The following NXPE2 variants were observed in gnomAD, a reference collection of about 807,000 sequenced individuals.
NXPE2 encodes neurexophilin and PC-esterase domain family member 2.
Under a neutral mutation model 34.4 loss-of-function variants are expected in NXPE2, and 34 were observed. That is an observed-to-expected ratio of 0.99 (90% confidence interval 0.75 to 1.31). NXPE2 has a LOEUF of 1.31. Ranked by LOEUF, NXPE2 falls within the 40% of genes most tolerant of loss-of-function variation. The probability of loss-of-function intolerance (pLI) is 0.00; values close to 1 mark genes in which losing one functional copy is unlikely to be tolerated. For missense variants in NXPE2, 649 were observed against 672.5 expected (o/e 0.97, Z 0.39); for synonymous variants, 235 against 231.3 (o/e 1.02, Z -0.15).
the NXPE2 span, chr11:114,530,072 C>T: frequency 8.2e-7 from 1 of 1,216,964 alleles, no homozygotes; most frequent in Non-Finnish European, 1.1e-6. Context: ...ACCTTGAGTA[C>T]AGGAGGCCTC....
chr11:114,804,200 G>C, the NXPE2 span, among the ~76,000 whole-genome samples: 1 of 131,376 alleles, frequency 7.6e-6, no homozygotes, highest in African/African-American at 2.6e-5. Flanking sequence ...TCAAGTATCA[G>C]GGAAGATTTC....
At chr11:114,617,381 C>T in the NXPE2 span, among the ~76,000 whole-genome samples, 33 of 151,062 alleles carry the variant, frequency 2.2e-4, no homozygotes, top group African/African-American at 2.9e-4. Flanking sequence ...CACTGTTACC[C>T]GGTAGATAAT....
At chr11:114,617,602 A>G in the NXPE2 span, among the ~76,000 whole-genome samples, 1 of 152,022 alleles carries the variant, frequency 6.6e-6, no homozygotes, top group Non-Finnish European at 1.5e-5. Context: ...GGTGCATAAT[A>G]AGTGTTGCCT....
chr11:114,774,835 C>T, the NXPE2 span, among the ~76,000 whole-genome samples: 1 of 152,200 alleles, frequency 6.6e-6, no homozygotes, highest in Admixed American at 6.5e-5. Flanking sequence ...AAAGGGGGCG[C>T]TCTAACATCA....
At chr11:114,512,053 G>A in the NXPE2 span, among the ~76,000 whole-genome samples, 2 of 152,170 alleles carry the variant, frequency 1.3e-5, no homozygotes, top group African/African-American at 4.8e-5. Context: ...AATTCAAAGT[G>A]GTTCCATCTG....
At chr11:114,809,908 G>A in the NXPE2 span, among the ~76,000 whole-genome samples, 5 of 142,482 alleles carry the variant, frequency 3.5e-5, no homozygotes, top group Admixed American at 1.4e-4. Flanking sequence ...AAAGAACAAA[G>A]CTGGAGGCAT....
At chr11:114,658,059 A>T in the NXPE2 span, among the ~76,000 whole-genome samples, 24 of 152,316 alleles carry the variant, frequency 1.6e-4, no homozygotes, top group South Asian at 4.6e-3. Context: ...GTTCCCTTTA[A>T]AATAAACCCT....
At chr11:114,508,925 A>G in the NXPE2 span, among the ~76,000 whole-genome samples, 1 of 152,116 alleles carries the variant, frequency 6.6e-6, no homozygotes, top group South Asian at 2.1e-4. Context: ...ATAGCACAGC[A>G]AAAAACAAAA....
chr11:114,631,779 T>C, the NXPE2 span, among the ~76,000 whole-genome samples: 6 of 151,828 alleles, frequency 4.0e-5, no homozygotes, highest in African/African-American at 1.5e-4. Flanking sequence ...TATTGCCTCA[T>C]GAGTAATCAC....
the NXPE2 span, among the ~76,000 whole-genome samples, chr11:114,469,817 G>A: frequency 3.3e-5 from 5 of 152,006 alleles, no homozygotes; most frequent in South Asian, 2.1e-4. Context: ...AAGTTTCCTC[G>A]TGCCTGTTTA....
the NXPE2 span, among the ~76,000 whole-genome samples, chr11:114,618,240 T>C: frequency 6.6e-6 from 1 of 151,210 alleles, no homozygotes. Context: ...ATAAGGATTG[T>C]CTTATGGGTA....
the NXPE2 span, among the ~76,000 whole-genome samples, chr11:114,604,800 G>A: frequency 2.0e-5 from 3 of 151,908 alleles, no homozygotes; most frequent in Non-Finnish European, 2.9e-5. Flanking sequence ...GTTGCCTCGC[G>A]GGTAACCACT....
At chr11:114,618,677 A>G in the NXPE2 span, among the ~76,000 whole-genome samples, 2 of 151,466 alleles carry the variant, frequency 1.3e-5, no homozygotes, top group African/African-American at 2.4e-5. Flanking sequence ...CGTAACCAGT[A>G]TTACCCACTT....
the NXPE2 span, among the ~76,000 whole-genome samples, chr11:114,762,968 G>A: frequency 6.6e-6 from 1 of 151,852 alleles, no homozygotes; most frequent in African/African-American, 2.4e-5. Context: ...CATGGCTCTG[G>A]GATGCCACAC....
chr11:114,701,079 A>G (rs1259209791), intron 3 of NXPE2, among the ~76,000 whole-genome samples: 1 of 152,170 alleles, frequency 6.6e-6, no homozygotes, highest in Admixed American at 6.5e-5. Context: ...TGATCAAGGT[A>G]TGGAAAAATC....
chr11:114,514,139 TG>T, the NXPE2 span, among the ~76,000 whole-genome samples: 5 of 152,224 alleles, frequency 3.3e-5, no homozygotes, highest in Non-Finnish European at 5.9e-5. Flanking sequence ...TTTTATGTAA[TG>T]ATGTATTTTG....
the NXPE2 span, chr11:114,528,840 G>A: frequency 3.0e-6 from 2 of 676,892 alleles, no homozygotes; most frequent in Non-Finnish European, 2.7e-6. Context: ...ATCCTGAGAA[G>A]AGAAAGGATC....
the NXPE2 span, among the ~76,000 whole-genome samples, chr11:114,577,935 T>C: frequency 6.6e-6 from 1 of 152,210 alleles, no homozygotes; most frequent in Non-Finnish European, 1.5e-5. Flanking sequence ...CCCTTTACGA[T>C]ATACAAAGCA....
the NXPE2 span, among the ~76,000 whole-genome samples, chr11:114,482,553 C>A: frequency 6.6e-6 from 1 of 152,192 alleles, no homozygotes; most frequent in South Asian, 2.1e-4. Context: ...TATCCTCTTT[C>A]TCCCTTCCTC....
Sources: gnomAD v4.1 joint callset for allele counts (sites outside exome capture counted in the v4.1 genomes callset) on GRCh38, gnomAD v4.1.1 for gene constraint, MANE v1.5 for transcripts, NCBI Gene and HGNC (gene_info 2026-07-23, HGNC 2026-07-21) for gene names.